Variants in DHDDS observed in about 807,000 individuals in gnomAD.
DHDDS encodes dehydrodolichyl diphosphate synthase complex subunit DHDDS.
In DHDDS, 16 loss-of-function variants were observed where a neutral mutation model predicts 46.2. The ratio of observed to expected loss-of-function variants is 0.35; its 90% confidence interval spans 0.23 to 0.53. The LOEUF is 0.53. Among genes scored for constraint, DHDDS ranks in the 20% least tolerant of loss-of-function variants. The pLI, the probability that DHDDS is intolerant of heterozygous loss-of-function variation, is 0.94. For synonymous variants in DHDDS, 151 were observed against 163.1 expected, an observed-to-expected ratio of 0.93 and a Z score of 0.56; for missense variants, 340 against 423.7, an observed-to-expected ratio of 0.80 and a Z score of 1.73.
intron 2 of DHDDS, among the ~76,000 whole-genome samples, chr1:26,436,401 T>TTTTG (rs57226446): frequency 0.062 from 9,151 of 147,950 alleles, 352 homozygotes; most frequent in African/African-American, 0.11. Flanking sequence ...TAAGACTCTG[T>TTTTG]TTTGTTTGTT....
At chr1:26,435,430 C>CTTTTTTT (rs35735570) in intron 2 of DHDDS, among the ~76,000 whole-genome samples, 4 of 62,488 alleles carry the variant, frequency 6.4e-5, no homozygotes, top group Non-Finnish European at 8.2e-5. Context: ...GAATTAGTGC[C>CTTTTTTT]TTTTTTTTTT....
intron 7 of DHDDS, among the ~76,000 whole-genome samples, chr1:26,458,645 G>A (rs981946400): frequency 6.6e-6 from 1 of 151,588 alleles, no homozygotes; most frequent in Non-Finnish European, 1.5e-5. Flanking sequence ...GAATGAGGTG[G>A]GAGAATCACT....
intron 7 of DHDDS, among the ~76,000 whole-genome samples, chr1:26,459,160 C>A (rs373585673): frequency 6.6e-6 from 1 of 152,314 alleles, no homozygotes; most frequent in South Asian, 2.1e-4. Context: ...TGATAACAGG[C>A]AGCTCTAATC....
At chr1:26,438,924 CT>C (rs1485454827) in intron 3 of DHDDS, among the ~76,000 whole-genome samples, 1 of 152,044 alleles carries the variant, frequency 6.6e-6, no homozygotes, top group East Asian at 1.9e-4. Context: ...CTTATTTTCA[CT>C]TAACATTTTG....
At chr1:26,436,663 T>C (rs1038496511) in intron 2 of DHDDS, among the ~76,000 whole-genome samples, 1 of 151,574 alleles carries the variant, frequency 6.6e-6, no homozygotes, top group African/African-American at 2.4e-5. Context: ...GACCTCGTGA[T>C]CTACCCGCCT....
At chr1:26,438,692 C>A in intron 3 of DHDDS, 1 of 201,436 alleles carries the variant, frequency 5.0e-6, no homozygotes, top group Non-Finnish European at 1.0e-5. Context: ...TGCCCCTGTA[C>A]TCTAGCCTGG....
chr1:26,447,618 G>A lies in DHDDS; in HGVS notation c.500G>A (p.Arg167Lys). 6.2e-7 allele frequency: 1 copy of A among 1,614,198 alleles called. No individual in the cohort carries two copies. The highest frequency in any genetic ancestry group is 1.1e-5 in the South Asian group (1 of 91,086). Residue 167 changes from arginine to lysine, a missense_variant, in exon 6 of 9, where the codon AGA becomes AAA. Physicochemically the swap from Arg to Lys is conservative, Grantham distance 26. This residue lies in a region of DHDDS where 268 missense variants were observed against 300.3 expected (regional missense o/e 0.89). Coordinates refer to ENST00000236342, the MANE Select transcript of DHDDS (RefSeq NM_205861.3). ...CGTCATGAGATCAGCAATGCTGTGA[G>A]AGAGATGGCCTGGGGGGTGGAGCAA... ...TSRHEISNAV[R>K]EMAWGVEQGL...
intron 8 of DHDDS, among the ~76,000 whole-genome samples, chr1:26,466,500 T>C (rs1418468831): frequency 6.6e-6 from 1 of 152,228 alleles, no homozygotes; most frequent in Non-Finnish European, 1.5e-5. Context: ...ACTTCAGCCA[T>C]CTCAGCCTCG....
chr1:26,448,819 A>C (rs1398597734), intron 6 of DHDDS, among the ~76,000 whole-genome samples: 1 of 152,096 alleles, frequency 6.6e-6, no homozygotes, highest in Non-Finnish European at 1.5e-5. Flanking sequence ...CTCATATCTA[A>C]AGCTGTTTGA....
intron 8 of DHDDS, chr1:26,467,261 C>T: frequency 2.2e-6 from 1 of 463,866 alleles, no homozygotes; most frequent in South Asian, 1.6e-5. Flanking sequence ...TCCTGCGCAT[C>T]TCCATATCCT....
At chr1:26,441,975 T>C (rs1020558533) in intron 3 of DHDDS, among the ~76,000 whole-genome samples, 9 of 152,096 alleles carry the variant, frequency 5.9e-5, no homozygotes, top group African/African-American at 1.7e-4. Flanking sequence ...AATCAACTTC[T>C]GTTCTACCTC....
At chr1:26,454,020 C>T (rs2075346235) in intron 6 of DHDDS, among the ~76,000 whole-genome samples, 1 of 151,892 alleles carries the variant, frequency 6.6e-6, no homozygotes, top group South Asian at 2.1e-4. Flanking sequence ...GTGGTGCAAT[C>T]TCGGCTCACT....
chr1:26,432,612 G>A (rs1344408164), intron 1 of DHDDS: 1 of 371,774 alleles, frequency 2.7e-6, no homozygotes, highest in Non-Finnish European at 5.1e-6. Context: ...CCATGATGTG[G>A]CAGGAAACCG....
At position 26,470,699 on chromosome 1, in the gene DHDDS, TCCAC is replaced by T. The variant is rs2075546660; in HGVS notation, c.*1569_*1572del. 6.6e-6 allele frequency: 1 copy of T among 152,648 alleles called. No individual in the cohort carries two copies. The highest frequency in any genetic ancestry group is 6.5e-5 in the Admixed American group (1 of 15,276). The allele number at this position is 152,648 out of a possible 1,614,324, so 9.5% of individuals were successfully genotyped here. Reference sequence around the variant, plus strand: ...AGTGAACCCTTTGGCAAAGCCCCCATCCACACCTGGCACTCCCCTCTACCAATCC... The same window carrying T: ...AGTGAACCCTTTGGCAAAGCCCCCATACCTGGCACTCCCCTCTACCAATCC... On this transcript the variant is annotated 3_prime_UTR_variant, in exon 9 of 9. Transcript: ENST00000236342.
intron 2 of DHDDS, among the ~76,000 whole-genome samples, chr1:26,433,703 G>A (rs556482452): frequency 1.3e-5 from 2 of 150,568 alleles, no homozygotes; most frequent in East Asian, 3.9e-4. Context: ...AAGAGTTTGG[G>A]CTCTAGACGC....
intron 8 of DHDDS, 70 bp from the exon 9 acceptor site, chr1:26,468,825 C>A: frequency 6.3e-7 from 1 of 1,578,122 alleles, no homozygotes. Context: ...CACCCCCTAC[C>A]TCCTCCATCC....
chr1:26,434,964 A>G (rs945034522), intron 2 of DHDDS, among the ~76,000 whole-genome samples: 1 of 150,756 alleles, frequency 6.6e-6, no homozygotes, highest in Non-Finnish European at 1.5e-5. Flanking sequence ...TCCGGCCCCA[A>G]GTAAGTTTTG....
intron 2 of DHDDS, 131 bp from the exon 3 acceptor site, chr1:26,438,037 G>A (rs775832046): frequency 1.1e-4 from 101 of 899,384 alleles, no homozygotes; most frequent in Non-Finnish European, 1.7e-4. Context: ...TGAGTTAAAA[G>A]CACAAAGTAC....
chr1:26,468,832 A>G, intron 8 of DHDDS, 63 bp from the exon 9 acceptor site: 1 of 785,270 alleles, frequency 1.3e-6, no homozygotes, highest in Non-Finnish European at 1.7e-6. Context: ...TACCTCCTCC[A>G]TCCCAGTTTC....
Sources: gnomAD v4.1 joint callset for allele counts (sites outside exome capture counted in the v4.1 genomes callset) on GRCh38, gnomAD v4.1.1 for gene constraint, gnomAD v4.1.1 regional missense constraint, MANE v1.5 for transcripts, NCBI Gene and HGNC (gene_info 2026-07-23, HGNC 2026-07-21) for gene names.